The following PSMB7 variants were observed in gnomAD, a reference collection of about 807,000 sequenced individuals.
PSMB7 encodes proteasome subunit beta type-7.
In PSMB7, 5 loss-of-function variants were observed where a neutral mutation model predicts 28.1. The ratio of observed to expected loss-of-function variants is 0.18; its 90% CI spans 0.09 to 0.37. PSMB7 has a LOEUF of 0.37. PSMB7 is among the 10% of genes least tolerant of loss of function. PSMB7 has a pLI of 1.00. For synonymous variants in PSMB7, 122 were observed against 123.7 expected (o/e 0.99, Z 0.09); for missense variants, 275 against 346.2 (o/e 0.79, Z 1.63).
At chr9:124,372,566 TTC>T (rs1423564912) in intron 6 of PSMB7, among the ~76,000 whole-genome samples, 19 of 152,250 alleles carry the variant, frequency 1.2e-4, no homozygotes, top group Admixed American at 1.2e-3. Flanking sequence ...ATGCCTTTCC[TTC>T]TCTGTTTCCT....
intron 6 of PSMB7, among the ~76,000 whole-genome samples, chr9:124,367,130 G>A (rs1163172056): frequency 6.6e-6 from 1 of 152,184 alleles, no homozygotes; most frequent in Non-Finnish European, 1.5e-5. Context: ...GATGGTGGCG[G>A]GGCAGCAGGG....
chr9:124,401,401 A>G (rs950234169), intron 5 of PSMB7, among the ~76,000 whole-genome samples: 12 of 152,244 alleles, frequency 7.9e-5, no homozygotes, highest in Non-Finnish European at 1.6e-4. Flanking sequence ...TGTCTCCCTC[A>G]CAAGACTATA....
chr9:124,398,872 CTCG>C (rs1393379274), intron 5 of PSMB7, among the ~76,000 whole-genome samples: 1 of 152,170 alleles, frequency 6.6e-6, no homozygotes, highest in African/African-American at 2.4e-5. Context: ...TTTCAGGTTT[CTCG>C]TCAGTAAAAT....
At chr9:124,406,803 T>A (rs1213044718) in intron 4 of PSMB7, among the ~76,000 whole-genome samples, 1 of 152,092 alleles carries the variant, frequency 6.6e-6, no homozygotes, top group African/African-American at 2.4e-5. Context: ...GGACCCTTTT[T>A]TTCCATTTCT....
intron 5 of PSMB7, among the ~76,000 whole-genome samples, chr9:124,403,840 T>C (rs1415116485): frequency 6.6e-6 from 1 of 151,826 alleles, no homozygotes; most frequent in African/African-American, 2.4e-5. Context: ...GCTTCTACTC[T>C]AGAATTCTAC....
At chr9:124,383,561 A>G (rs1443860364) in intron 6 of PSMB7, 1 of 152,208 alleles carries the variant, frequency 6.6e-6, no homozygotes, top group Admixed American at 6.5e-5. Flanking sequence ...CAGAGTTCCA[A>G]TGACACTTGG....
intron 6 of PSMB7, among the ~76,000 whole-genome samples, chr9:124,365,408 A>C (rs1349742967): frequency 1.3e-5 from 2 of 152,182 alleles, no homozygotes; most frequent in African/African-American, 4.8e-5. Flanking sequence ...AGGCAGGAAG[A>C]GAGCCATGAA....
intron 5 of PSMB7, among the ~76,000 whole-genome samples, chr9:124,396,185 G>A (rs1043270826): frequency 3.3e-5 from 5 of 152,300 alleles, no homozygotes; most frequent in Middle Eastern, 3.4e-3. Context: ...ATCTTAAAGT[G>A]CACTAATTTG....
intron 6 of PSMB7, among the ~76,000 whole-genome samples, chr9:124,357,595 A>C (rs1424924487): frequency 6.6e-6 from 1 of 152,214 alleles, no homozygotes; most frequent in Non-Finnish European, 1.5e-5. Flanking sequence ...CATTACTTTG[A>C]ATCACTCTCT....
chr9:124,395,056 G>A (rs1328245932), intron 5 of PSMB7, among the ~76,000 whole-genome samples: 1 of 152,120 alleles, frequency 6.6e-6, no homozygotes, highest in African/African-American at 2.4e-5. Context: ...AAAATACTAT[G>A]CACCAAACAT....
intron 5 of PSMB7, among the ~76,000 whole-genome samples, chr9:124,400,085 C>A (rs993321144): frequency 6.6e-6 from 1 of 152,160 alleles, no homozygotes; most frequent in Admixed American, 6.5e-5. Flanking sequence ...TGCTGCACCC[C>A]CTGCATGGGT....
chr9:124,393,416 T>A (rs1283863156), intron 5 of PSMB7, among the ~76,000 whole-genome samples: 1 of 152,224 alleles, frequency 6.6e-6, no homozygotes, highest in Admixed American at 6.5e-5. Context: ...GCACTGAGTA[T>A]TACATTTAAA....
intron 6 of PSMB7, among the ~76,000 whole-genome samples, chr9:124,359,652 CTG>C (rs1284537267): frequency 1.3e-5 from 2 of 152,222 alleles, no homozygotes; most frequent in Admixed American, 6.5e-5. Flanking sequence ...TGACTCAAGG[CTG>C]TGTCATTCAC....
At chr9:124,405,525 A>G in intron 4 of PSMB7, 93 bp from the exon 5 acceptor site, 1 of 822,476 alleles carries the variant, frequency 1.2e-6, no homozygotes, top group Middle Eastern at 2.3e-4. Context: ...CAGGTAACAA[A>G]AAGTTTTCCT....
chr9:124,401,048 T>TG (rs1385917136), intron 5 of PSMB7, among the ~76,000 whole-genome samples: 22 of 152,160 alleles, frequency 1.4e-4, no homozygotes, highest in African/African-American at 4.8e-4. Flanking sequence ...CATTTGTGTG[T>TG]TTTTTTTAAA....
In PSMB7 at chr9:124,411,276, T is replaced by C. The variant is rs148600768; in HGVS notation, c.395+1076A>G. ...CGTGTGCCACCGTGCCAAGCCAAAA[T>C]CTAGACTTTTAATTCAAATCTCCCC... is the stretch of plus-strand genomic sequence containing the variant. On this transcript the variant is annotated intron_variant, in intron 4 of 7. Transcript: ENST00000259457. Among the ~76,000 whole-genome samples the C allele has an allele frequency of 3.4e-4, 51 of 152,212 alleles. No individual in the cohort carries two copies. In the East Asian group the frequency reaches 9.7e-3, roughly 29 times the overall value.
At chr9:124,373,610 T>G (rs1270378008) in intron 6 of PSMB7, among the ~76,000 whole-genome samples, 1 of 152,170 alleles carries the variant, frequency 6.6e-6, no homozygotes, top group Non-Finnish European at 1.5e-5. Flanking sequence ...AATTGTCCCA[T>G]CTAAACGTTT....
chr9:124,382,081 A>C (rs974170050), intron 6 of PSMB7, among the ~76,000 whole-genome samples: 2 of 151,568 alleles, frequency 1.3e-5, no homozygotes, highest in Non-Finnish European at 2.9e-5. Flanking sequence ...CAGCATGGTG[A>C]AACCCAGTCT....
intron 6 of PSMB7, among the ~76,000 whole-genome samples, chr9:124,372,382 A>G (rs1025420610): frequency 6.6e-6 from 1 of 152,266 alleles, no homozygotes; most frequent in Non-Finnish European, 1.5e-5. Flanking sequence ...AACAAAGTCA[A>G]TAACAAAGCC....
Sources: gnomAD v4.1 joint callset for allele counts (sites outside exome capture counted in the v4.1 genomes callset) on GRCh38, gnomAD v4.1.1 for gene constraint, MANE v1.5 for transcripts, NCBI Gene and HGNC (gene_info 2026-07-23, HGNC 2026-07-21) for gene names.